Variants in DPP3 observed in about 807,000 individuals in gnomAD.
DPP3 encodes the protein DPP III.
Under a neutral mutation model 89.8 loss-of-function variants are expected in DPP3, and 64 were observed. That is an observed-to-expected ratio of 0.71 (90% CI 0.58 to 0.88). The LOEUF (loss-of-function observed/expected upper bound fraction) is 0.88. Ranked by LOEUF, DPP3 falls within the 40% of genes least tolerant of loss-of-function variation. The pLI, the probability that DPP3 is intolerant of heterozygous loss-of-function variation, is 0.00. For missense variants in DPP3, 835 were observed against 972.5 expected (o/e 0.86, Z 1.88); for synonymous variants, 377 against 404.3 (o/e 0.93, Z 0.81).
chr11:66,500,087 C>T lies in DPP3; in HGVS notation c.1878+2610C>T, dbSNP rs982726449. Among the ~76,000 whole-genome samples the T allele has an allele frequency of 2.6e-5, 4 of 151,924 alleles. No individual in the cohort carries two copies. In the South Asian group the frequency reaches 6.2e-4, roughly 24 times the overall value. On this transcript the variant is annotated intron_variant, in intron 16 of 17. Transcript: ENST00000531863. ...AGAACTTTTCAGCCGAGCACAGTCGCTCACACCTGTAATCCCAGCACTTTG... is the reference window on the plus strand; with the variant it reads ...AGAACTTTTCAGCCGAGCACAGTCGTTCACACCTGTAATCCCAGCACTTTG...
At chr11:66,504,887 G>A in intron 17 of DPP3, 113 bp downstream of exon 17, 1 of 1,206,370 alleles carries the variant, frequency 8.3e-7, no homozygotes, top group South Asian at 1.8e-5. Context: ...CCCAGCCTGG[G>A]ATGGCCCTTC....
chr11:66,499,383 A>G (rs1442878166), intron 16 of DPP3, among the ~76,000 whole-genome samples: 1 of 152,014 alleles, frequency 6.6e-6, no homozygotes, highest in Non-Finnish European at 1.5e-5. Flanking sequence ...AAGGTCTTAC[A>G]CTAGGATAGG....
chr11:66,486,019 G>A (rs1273079997), intron 3 of DPP3, among the ~76,000 whole-genome samples: 3 of 151,888 alleles, frequency 2.0e-5, no homozygotes, highest in African/African-American at 7.3e-5. Flanking sequence ...ACAGCTCACT[G>A]CAACCTCAAC....
Position 66,487,321 on chromosome 11 carries a change from C to T in DPP3, c.552C>T (p.Ala184=). The T allele has an allele frequency of 1.9e-6, 3 of 1,613,926 alleles. No individual in the cohort carries two copies. Among genetic ancestry groups the T allele is most frequent in the Non-Finnish European group, 2.5e-6 (3 of 1,179,934 alleles). Residue 184 remains alanine (A), a synonymous_variant, in exon 5 of 18, where the codon GCC becomes GCT. Transcript: ENST00000531863. ...GTACCATGGAAGATGCCAAATTGGC[C>T]CAGGACTTTCTGGACTCACAGGTTT... ...GNCTMEDAKL[A]QDFLDSQNLS...
In DPP3 at chr11:66,497,404, G is replaced by A. The variant is rs747256486; in HGVS notation, c.1805G>A (p.Arg602Gln). Residue 602 changes from arginine (R) to glutamine (Q), a missense_variant, in exon 16 of 18, where the codon CGG (arginine) becomes CAG (glutamine). Coordinates refer to ENST00000531863, the MANE Select transcript of DPP3 (RefSeq NM_130443.4). ...GGCTCCGATGGGCGCCCAGATGCCC[G>A]GGTCCGCCTCGACCGCAGCAAGATC... ...TTGSDGRPDARVRLDRSKIRS... is the reference protein window; with the variant it reads ...TTGSDGRPDAQVRLDRSKIRS... The A allele has an allele frequency of 2.2e-5, 35 of 1,613,866 alleles. No homozygotes were observed. The highest frequency in any genetic ancestry group is 3.3e-5 in the Admixed American group (2 of 60,028).
Position 66,487,976 on chromosome 11 carries a change from C to G in DPP3, c.636C>G (p.Tyr212Ter), listed in dbSNP as rs775703613. 6.2e-7 allele frequency: 1 copy of G among 1,614,100 alleles called. No individual in the cohort carries two copies. The highest frequency in any genetic ancestry group is 8.5e-7 in the Non-Finnish European group (1 of 1,179,988). ...TCGATGGAGAAGGGAAGCCCTACTA[C>G]GAGGTGCGGCTGGCTTCTGTGCTTG... ...KEVDGEGKPY[Y>*]EVRLASVLGS... Residue 212 changes from tyrosine (Y) to a stop codon, truncating the protein, a stop_gained, in exon 6 of 18, where the codon TAC becomes TAG. Transcript: ENST00000531863. LOFTEE classifies it high-confidence loss of function.
At chr11:66,504,945 G>A (rs1459373089) in intron 17 of DPP3, among the ~76,000 whole-genome samples, 171 bp downstream of exon 17, 1 of 152,008 alleles carries the variant, frequency 6.6e-6, no homozygotes, top group Non-Finnish European at 1.5e-5. Context: ...CCCTTATCTT[G>A]GTATCTGTCA....
At chr11:66,486,764 G>A in intron 4 of DPP3, 87 bp downstream of exon 4, 2 of 1,411,060 alleles carry the variant, frequency 1.4e-6, no homozygotes, top group Non-Finnish European at 1.9e-6. Context: ...ACGGGATGGG[G>A]AGGCAGTGGG....
At chr11:66,506,227 C>T (rs1417531400) in intron 17 of DPP3, among the ~76,000 whole-genome samples, 1 of 151,874 alleles carries the variant, frequency 6.6e-6, no homozygotes, top group East Asian at 1.9e-4. Context: ...GCTGGGATTA[C>T]AGGCGTGAGC....
At chr11:66,486,979 A>AG (rs1018830276) in intron 4 of DPP3, among the ~76,000 whole-genome samples, 7 of 151,968 alleles carry the variant, frequency 4.6e-5, no homozygotes, top group African/African-American at 4.8e-5. Flanking sequence ...GCAGGGAAGG[A>AG]GGGGGGTCCC....
intron 10 of DPP3, 65 bp downstream of exon 10, chr11:66,492,975 C>T (rs1262126357): frequency 6.3e-7 from 1 of 1,592,016 alleles, no homozygotes; most frequent in Non-Finnish European, 8.6e-7. Context: ...CCTCCCTGTC[C>T]ACACACACAC....
In DPP3 at chr11:66,486,603, G is replaced by A; in HGVS notation, c.424G>A (p.Gly142Ser). 1 of 1,585,862 alleles carries A rather than the reference G, an allele frequency of 6.3e-7. No individual in the cohort carries two copies. Among genetic ancestry groups the A allele is most frequent in the African/African-American group, 1.4e-5 (1 of 73,442 alleles). ...AAQQHPEEVR[G>S]LWQTCGELMF... Reference sequence around the variant, plus strand: ...TCAGCAGCACCCAGAAGAAGTCAGGGGCCTCTGGCAGACCTGCGGGGAGCT... The same window carrying A: ...TCAGCAGCACCCAGAAGAAGTCAGGAGCCTCTGGCAGACCTGCGGGGAGCT... The change falls in exon 4 of 18, where the codon GGC becomes AGC. Residue 142 changes from glycine (G) to serine (S), a missense_variant. Physicochemically the swap from Gly to Ser is moderately conservative, Grantham distance 56. Coordinates refer to ENST00000531863, the MANE Select transcript of DPP3 (RefSeq NM_130443.4).
intron 16 of DPP3, among the ~76,000 whole-genome samples, chr11:66,501,099 A>G (rs1855664074): frequency 6.6e-6 from 1 of 151,694 alleles, no homozygotes; most frequent in Non-Finnish European, 1.5e-5. Context: ...GAGGCAGGAG[A>G]ATCGCTTGAA....
Position 66,509,264 on chromosome 11 carries a change from GC to G in DPP3, c.*15del. 1 of 1,598,402 alleles carries G rather than the reference GC, an allele frequency of 6.3e-7. No homozygotes were observed. Among genetic ancestry groups the G allele is most frequent in the Non-Finnish European group, 8.5e-7 (1 of 1,172,028 alleles). ...TGGCCAAGCTTGAGGAAGATGTGTG[GC>G]CTTGCCCCCAATTCCATCAGACCAA... On this transcript the variant is annotated 3_prime_UTR_variant, in exon 18 of 18. Coordinates refer to ENST00000531863, the MANE Select transcript of DPP3 (RefSeq NM_130443.4).
At chr11:66,506,430 T>C (rs1371640400) in intron 17 of DPP3, among the ~76,000 whole-genome samples, 1 of 149,638 alleles carries the variant, frequency 6.7e-6, no homozygotes, top group Admixed American at 6.7e-5. Flanking sequence ...AATTTTTGTA[T>C]TTTTAGTAGA....
intron 4 of DPP3, 61 bp downstream of exon 4, chr11:66,486,738 G>T: frequency 8.4e-6 from 12 of 1,427,084 alleles, no homozygotes; most frequent in African/African-American, 1.5e-5. Context: ...AGGCCACCTG[G>T]TAAGGAGGGA....
At chr11:66,498,077 C>G (rs1413449309) in intron 16 of DPP3, among the ~76,000 whole-genome samples, 2 of 147,232 alleles carry the variant, frequency 1.4e-5, no homozygotes, top group Non-Finnish European at 3.0e-5. Flanking sequence ...GGATTACAGG[C>G]TTTCACCACC....
chr11:66,502,594 C>T (rs1430314278), intron 16 of DPP3, among the ~76,000 whole-genome samples: 3 of 152,244 alleles, frequency 2.0e-5, no homozygotes, highest in Middle Eastern at 3.4e-3. Context: ...CTCAGCCTCC[C>T]GAGTAGCTGG....
At chr11:66,495,983 C>G (rs967223593) in intron 15 of DPP3, among the ~76,000 whole-genome samples, 2 of 152,198 alleles carry the variant, frequency 1.3e-5, no homozygotes, top group Non-Finnish European at 2.9e-5. Flanking sequence ...GATGAGGTGA[C>G]TTTATTAGGA....
Sources: gnomAD v4.1 joint callset for allele counts (sites outside exome capture counted in the v4.1 genomes callset) on GRCh38, gnomAD v4.1.1 for gene constraint, MANE v1.5 for transcripts, NCBI Gene and HGNC (gene_info 2026-07-23, HGNC 2026-07-21) for gene names.